Variants in EML6 observed in about 807,000 individuals in gnomAD.
The protein encoded by EML6 is EMAP like 6.
A neutral mutation model predicts 240.1 loss-of-function variants in EML6; 154 were observed. The ratio of observed to expected loss-of-function variants is 0.64; its 90% confidence interval spans 0.56 to 0.73. The LOEUF (loss-of-function observed/expected upper bound fraction) is 0.73. Ranked by LOEUF, EML6 falls within the 30% of genes least tolerant of loss-of-function variation. The probability of loss-of-function intolerance (pLI) is 0.00; values close to 1 mark genes in which losing one functional copy is unlikely to be tolerated. For synonymous variants in EML6, 1,148 were observed against 899.0 expected (o/e 1.28, Z -4.95); for missense variants, 2,964 against 2,474.6 (o/e 1.20, Z -4.20).
At position 54,962,390 on chromosome 2, in the gene EML6, T is replaced by C; in HGVS notation, c.4969-133T>C. The C allele has an allele frequency of 5.7e-6, 4 of 697,924 alleles. No individual in the cohort carries two copies. In the South Asian group the frequency reaches 6.9e-5, roughly 12 times the overall value. The allele number at this position is 697,924 out of a possible 1,614,324, so 43.2% of individuals were successfully genotyped here. A position where few individuals can be genotyped will look rare whatever the true frequency, so the allele number is the denominator to read the frequency against. ...TGTACCCACTGAACACTGACTCCCC[T>C]GTCCACCACCCCCATTCACCGGCAG... On this transcript the variant is annotated intron_variant, in intron 35 of 41. Transcript: ENST00000356458.
chr2:54,846,492 T>C (rs1214910736), intron 8 of EML6, among the ~76,000 whole-genome samples: 2 of 151,534 alleles, frequency 1.3e-5, no homozygotes, highest in African/African-American at 4.8e-5. Context: ...TAATTTTTTT[T>C]TTTTTTTTTG....
chr2:54,769,429 T>A (rs1229975462), intron 2 of EML6, among the ~76,000 whole-genome samples: 1 of 152,182 alleles, frequency 6.6e-6, no homozygotes, highest in Admixed American at 6.5e-5. Context: ...AGTACATTTT[T>A]AAAAATTGTA....
At chr2:54,931,921 G>T (rs938290969) in intron 28 of EML6, among the ~76,000 whole-genome samples, 2 of 152,198 alleles carry the variant, frequency 1.3e-5, no homozygotes, top group African/African-American at 4.8e-5. Context: ...TGTGCTTTAT[G>T]CATCAATTAC....
chr2:54,811,521 C>A (rs111332328), intron 2 of EML6, among the ~76,000 whole-genome samples: 5 of 152,140 alleles, frequency 3.3e-5, no homozygotes, highest in African/African-American at 1.2e-4. Flanking sequence ...ATTGACATAT[C>A]GTGATTATTT....
intron 2 of EML6, among the ~76,000 whole-genome samples, chr2:54,795,571 G>A (rs1232742264): frequency 6.6e-6 from 1 of 152,168 alleles, no homozygotes; most frequent in African/African-American, 2.4e-5. Flanking sequence ...GCATGGTGTA[G>A]CATCCTGCCA....
intron 5 of EML6, among the ~76,000 whole-genome samples, chr2:54,823,878 T>TCTCTCTCTCTCTCTCTCTCTCCCTCTC (rs60937620): frequency 7.7e-6 from 1 of 129,124 alleles, no homozygotes; most frequent in Admixed American, 7.8e-5. Context: ...CTCTCTCTCT[T>TCTCTCTCTCTCTCTCTCTCTCCCTCTC]TCTGTCTCTC....
chr2:54,806,952 A>C (rs1670527464), intron 2 of EML6, among the ~76,000 whole-genome samples: 1 of 152,212 alleles, frequency 6.6e-6, no homozygotes. Context: ...TCACGGAACA[A>C]ACAGCTCTCC....
intron 26 of EML6, among the ~76,000 whole-genome samples, chr2:54,924,916 T>C (rs1466264746): frequency 1.3e-5 from 2 of 152,092 alleles, no homozygotes; most frequent in Non-Finnish European, 2.9e-5. Flanking sequence ...CCCAAATACA[T>C]GAATCTCTTG....
chr2:54,777,415 C>A (rs1330143255), intron 2 of EML6, among the ~76,000 whole-genome samples: 1 of 152,178 alleles, frequency 6.6e-6, no homozygotes, highest in Non-Finnish European at 1.5e-5. Flanking sequence ...AGGCTTTTTG[C>A]TTTGGGTTCC....
In EML6 at chr2:54,902,771, C is replaced by T. The variant is rs183633856; in HGVS notation, c.3125-273C>T. On this transcript the variant is annotated intron_variant, in intron 22 of 41. Coordinates refer to ENST00000356458, the MANE Select transcript of EML6 (RefSeq NM_001039753.4). ...AACTTTTCAACTAATTTTTAACCTACGGAATGTGGCCCAGACTGGTCTCGA... is the reference window on the plus strand; with the variant it reads ...AACTTTTCAACTAATTTTTAACCTATGGAATGTGGCCCAGACTGGTCTCGA... 1.1e-3 allele frequency among the ~76,000 whole-genome samples: 173 copies of T among 152,214 alleles called. 1 individual carries two copies. Among genetic ancestry groups the T allele is most frequent in the African/African-American group, 4.0e-3 (167 of 41,514 alleles).
In EML6 at chr2:54,869,334, C is replaced by T; in HGVS notation, c.2205C>T (p.Ile735=). Residue 735 remains isoleucine, a synonymous_variant, in exon 15 of 42, where the codon ATC becomes ATT. Coordinates refer to ENST00000356458, the MANE Select transcript of EML6 (RefSeq NM_001039753.4). ...ATGACGACATTCTCAGCCTGACCAT[C>T]CATCCAGTGAAGGACTATGTGGCTA... ...GHDDDILSLT[I]HPVKDYVATG... is the part of the protein sequence containing the mutation. 6.4e-7 allele frequency: 1 copy of T among 1,551,552 alleles called. No individual in the cohort carries two copies. The highest frequency in any genetic ancestry group is 1.4e-5 in the African/African-American group (1 of 73,160).
rs1288362937 is a variant in EML6 at position 54,751,362 on chromosome 2, A to T, written c.197+26104A>T. 5.3e-5 allele frequency among the ~76,000 whole-genome samples: 8 copies of T among 152,174 alleles called. No homozygotes were observed. The South Asian group carries it at 6.2e-4, about 12-fold the overall frequency. On this transcript the variant is annotated intron_variant, in intron 2 of 41. Coordinates refer to ENST00000356458, the MANE Select transcript of EML6 (RefSeq NM_001039753.4). Reference sequence around the variant, plus strand: ...GCTTATCTTGGAGGACTCTAATGGGAGTATAGATAAAATGGAAGCTTCTGA... The same window carrying T: ...GCTTATCTTGGAGGACTCTAATGGGTGTATAGATAAAATGGAAGCTTCTGA...
At chr2:54,815,662 CAAAGA>C (rs1668050450) in intron 3 of EML6, among the ~76,000 whole-genome samples, 1 of 152,078 alleles carries the variant, frequency 6.6e-6, no homozygotes, top group Admixed American at 6.5e-5. Flanking sequence ...AAAATTATAG[CAAAGA>C]AATTTCTTAA....
chr2:54,796,227 A>G (rs1669762961), intron 2 of EML6, among the ~76,000 whole-genome samples: 1 of 152,228 alleles, frequency 6.6e-6, no homozygotes, highest in South Asian at 2.1e-4. Context: ...ACCAAAAGAA[A>G]TCTCCTTGGG....
intron 25 of EML6, among the ~76,000 whole-genome samples, chr2:54,912,178 A>T (rs1673677256): frequency 6.6e-6 from 1 of 152,186 alleles, no homozygotes; most frequent in Admixed American, 6.5e-5. Context: ...GTAGTACTTA[A>T]AAAATATACA....
Position 54,963,996 on chromosome 2 carries a change from A to G in EML6, c.5168A>G (p.Asn1723Ser). Residue 1723 changes from asparagine to serine, a missense_variant, in exon 37 of 42, where the codon AAC becomes AGC. Asn to Ser is a conservative substitution (Grantham distance 46). Transcript: ENST00000356458. ...IWDLADKKLL[N>S]KVSLGHAARC... The stretch of plus-strand genomic sequence containing the variant: ...TTTGCATCAATGTAGAAGCTGTTAA[A>G]CAAGGTGAGCTTGGGCCATGCGGCC... The G allele has an allele frequency of 6.5e-7, 1 of 1,550,374 alleles. No individual in the cohort carries two copies. The highest frequency in any genetic ancestry group is 1.2e-5 in the South Asian group (1 of 83,840).
chr2:54,762,926 T>C (rs1053648788), intron 2 of EML6, among the ~76,000 whole-genome samples: 1 of 152,186 alleles, frequency 6.6e-6, no homozygotes, highest in Non-Finnish European at 1.5e-5. Flanking sequence ...CTGGGGAATA[T>C]ATATACCTAC....
Position 54,928,591 on chromosome 2 carries a change from C to T in EML6, c.3878-34C>T, listed in dbSNP as rs760816434. On this transcript the variant is annotated intron_variant, in intron 27 of 41. Coordinates refer to ENST00000356458, the MANE Select transcript of EML6 (RefSeq NM_001039753.4). ...CCTCCCTTCCTGGGCCACTGCAAACCAACTGGCTCCCCAATCTCTTTCTGT... is the reference window on the plus strand; with the variant it reads ...CCTCCCTTCCTGGGCCACTGCAAACTAACTGGCTCCCCAATCTCTTTCTGT... 3.9e-5 allele frequency: 60 copies of T among 1,551,900 alleles called. No homozygotes were observed. In the South Asian group the frequency reaches 5.6e-4, roughly 14 times the overall value.
In EML6 at chr2:54,891,162, C is replaced by G; in HGVS notation, c.2539+8C>G. 2.1e-6 allele frequency: 3 copies of G among 1,396,862 alleles called. No homozygotes were observed. The highest frequency in any genetic ancestry group is 2.9e-6 in the Non-Finnish European group (3 of 1,025,164). The allele number at this position is 1,396,862 out of a possible 1,614,324, so 86.5% of individuals were successfully genotyped here. A position where few individuals can be genotyped will look rare whatever the true frequency, so the allele number is the denominator to read the frequency against. ...AATTCTGGCAACAAGCAGGTACTGTCGTTTGGGTTTATCATTTATGTGATT... is the reference window on the plus strand; with the variant it reads ...AATTCTGGCAACAAGCAGGTACTGTGGTTTGGGTTTATCATTTATGTGATT... On this transcript the variant is annotated splice_region_variant and intron_variant, in intron 18 of 41. Transcript: ENST00000356458.
Sources: allele counts gnomAD v4.1 joint callset (sites outside exome capture counted in the v4.1 genomes callset), GRCh38; gene constraint gnomAD v4.1.1; transcripts MANE v1.5; gene names NCBI Gene and HGNC (gene_info 2026-07-23, HGNC 2026-07-21).